Variants in ARMC6 observed in about 807,000 individuals in gnomAD.
ARMC6 encodes the protein armadillo repeat containing 6.
Under a neutral mutation model 49.2 loss-of-function variants are expected in ARMC6, and 43 were observed. The ratio of observed to expected loss-of-function variants is 0.87; its 90% CI spans 0.69 to 1.13. ARMC6 has a LOEUF of 1.13. ARMC6 is among the 50% of genes most tolerant of loss of function. The pLI is 0.00. For synonymous variants in ARMC6, 262 were observed against 289.6 expected (o/e 0.90, Z 0.97); for missense variants, 627 against 682.0 (o/e 0.92, Z 0.90).
chr19:19,044,083 G>A lies in ARMC6; in HGVS notation c.279+9G>A. 1 of 1,613,184 alleles carries A rather than the reference G, an allele frequency of 6.2e-7. No individual in the cohort carries two copies. Among genetic ancestry groups the A allele is most frequent in the Non-Finnish European group, 8.5e-7 (1 of 1,179,202 alleles). ...CACATGACATCCTGCAGGTAGGAGT[G>A]GGCATCCCACACAGCAGGTCCTGCG... On this transcript the variant is annotated intron_variant, in intron 4 of 8. Transcript: ENST00000535612.
At chr19:19,034,561 C>T (rs2059326306) in intron 2 of ARMC6, among the ~76,000 whole-genome samples, 1 of 151,946 alleles carries the variant, frequency 6.6e-6, no homozygotes, top group Non-Finnish European at 1.5e-5. Context: ...TGGATGGAGT[C>T]TTTTAGAGTC....
Position 19,052,150 on chromosome 19 carries a change from G to A in ARMC6, c.808G>A (p.Val270Met). 1 of 1,613,126 alleles carries A rather than the reference G, an allele frequency of 6.2e-7. No homozygotes were observed. Among genetic ancestry groups the A allele is most frequent in the African/African-American group, 1.3e-5 (1 of 75,052 alleles). ...TGCCCACAACCATGCCAAGATGATT[G>A]TGCAGGAGAACAAAGGCTTGAAGGT... Reference protein sequence around the residue: ...GHAHNHAKMIVQENKGLKVLI... With the variant: ...GHAHNHAKMIMQENKGLKVLI... Residue 270 changes from valine (V) to methionine (M), a missense_variant, in exon 5 of 9, where the codon GTG becomes ATG. Transcript: ENST00000535612.
At chr19:19,038,502 G>A (rs2059387123) in intron 2 of ARMC6, among the ~76,000 whole-genome samples, 1 of 152,192 alleles carries the variant, frequency 6.6e-6, no homozygotes, top group African/African-American at 2.4e-5. Flanking sequence ...TACTGCCCAA[G>A]GTTAGTGGGT....
chr19:19,034,188 G>A lies in ARMC6; in HGVS notation c.-22G>A, dbSNP rs2059314368. 1 of 1,587,364 alleles carries A rather than the reference G, an allele frequency of 6.3e-7. No individual in the cohort carries two copies. The highest frequency in any genetic ancestry group is 2.2e-5 in the East Asian group (1 of 44,762). On this transcript the variant is annotated 5_prime_UTR_variant, in exon 2 of 9. Coordinates refer to ENST00000535612, the MANE Select transcript of ARMC6 (RefSeq NM_001199196.2). ...GCCCCGTCCTAGGCAGTGGGGACAA[G>A]GAGGCTACAGGGTACAAATAAATGA...
At chr19:19,043,100 T>C (rs1049831583) in intron 3 of ARMC6, among the ~76,000 whole-genome samples, 1 of 152,230 alleles carries the variant, frequency 6.6e-6, no homozygotes, top group Non-Finnish European at 1.5e-5. Context: ...TGGATCCTTC[T>C]CATGAGTCTC....
intron 5 of ARMC6, 42 bp downstream of exon 5, chr19:19,052,237 C>A (rs144336350): frequency 3.9e-6 from 6 of 1,525,538 alleles, no homozygotes; most frequent in Non-Finnish European, 4.4e-6. Flanking sequence ...ACAAAGTGGG[C>A]GGGTCAGATG....
chr19:19,050,543 C>G (rs2059487692), intron 4 of ARMC6, among the ~76,000 whole-genome samples: 1 of 152,156 alleles, frequency 6.6e-6, no homozygotes, highest in African/African-American at 2.4e-5. Context: ...TGCATTTTTC[C>G]TAATGATTAG....
chr19:19,050,732 C>T (rs1273342598), intron 4 of ARMC6, among the ~76,000 whole-genome samples: 3 of 152,162 alleles, frequency 2.0e-5, no homozygotes, highest in Admixed American at 6.5e-5. Context: ...GTAACATATA[C>T]TTAGGTCCAC....
intron 5 of ARMC6, among the ~76,000 whole-genome samples, chr19:19,053,677 G>T (rs1159112893): frequency 6.6e-6 from 1 of 151,980 alleles, no homozygotes; most frequent in Non-Finnish European, 1.5e-5. Flanking sequence ...CGTGAGTGCC[G>T]GCACCTGCTT....
Position 19,055,657 on chromosome 19 carries a change from A to G in ARMC6, c.1156-134A>G. 1 of 1,323,952 alleles carries G rather than the reference A, an allele frequency of 7.6e-7. No individual in the cohort carries two copies. Among genetic ancestry groups the G allele is most frequent in the African/African-American group, 1.5e-5 (1 of 68,104 alleles). The allele number at this position is 1,323,952 out of a possible 1,614,324, so 82.0% of individuals were successfully genotyped here. On this transcript the variant is annotated intron_variant, in intron 7 of 8. Coordinates refer to ENST00000535612, the MANE Select transcript of ARMC6 (RefSeq NM_001199196.2). The surrounding 1 kb of genome is among the most constrained non-coding windows in gnomAD (Gnocchi z 5.7). Reference sequence around the variant, plus strand: ...GAGCTGATATTTTTGTCACCCTGCCATTATTACACAGGAGTTGCCAGAGAC... The same window carrying G: ...GAGCTGATATTTTTGTCACCCTGCCGTTATTACACAGGAGTTGCCAGAGAC...
intron 2 of ARMC6, among the ~76,000 whole-genome samples, chr19:19,035,929 A>G (rs2059362734): frequency 6.6e-6 from 1 of 152,194 alleles, no homozygotes; most frequent in Non-Finnish European, 1.5e-5. Flanking sequence ...ACAGGTAGAG[A>G]CAAATGATTG....
At chr19:19,053,371 C>T (rs2059514970) in intron 5 of ARMC6, among the ~76,000 whole-genome samples, 1 of 152,076 alleles carries the variant, frequency 6.6e-6, no homozygotes, top group East Asian at 1.9e-4. Flanking sequence ...CCTGTAATCC[C>T]AGTTACTTGA....
At chr19:19,048,641 G>C (rs551392678) in intron 4 of ARMC6, among the ~76,000 whole-genome samples, 8 of 152,174 alleles carry the variant, frequency 5.3e-5, no homozygotes, top group South Asian at 2.1e-4. Context: ...CCTCCAGGTA[G>C]CAGGCTTCAG....
chr19:19,037,744 T>G, intron 2 of ARMC6: 1 of 1,076,894 alleles, frequency 9.3e-7, no homozygotes, highest in South Asian at 1.7e-5. Context: ...TAAAAAGTTG[T>G]TAACCTCTGT....
At position 19,057,532 on chromosome 19, in the gene ARMC6, C is replaced by A; in HGVS notation, c.1410C>A (p.Asp470Glu). Residue 470 changes from aspartate to glutamate, a missense_variant, in exon 9 of 9, where the codon GAC becomes GAA. By Grantham distance (45) the Asp-to-Glu change is conservative (BLOSUM62 2). Transcript: ENST00000535612. ...LIMQARSAHR[D>E]CEDVAKAALR... is the part of the protein sequence containing the mutation. ...TGCAGGCCCGATCTGCCCACCGTGA[C>A]TGTGAGGACGTGGCCAAGGCCGCCC... The A allele has an allele frequency of 6.2e-7, 1 of 1,614,020 alleles. No individual in the cohort carries two copies.
rs763327210 is a variant in ARMC6 at position 19,051,669 on chromosome 19, G to A, written c.327G>A (p.Glu109=). Residue 109 remains glutamate (E), a synonymous_variant, in exon 5 of 9, where the codon GAG becomes GAA. Coordinates refer to ENST00000535612, the MANE Select transcript of ARMC6 (RefSeq NM_001199196.2). ...QESVASSRPQ[E]VSAYLTRFCD... ...CTGTGGCCAGCTCTCGCCCCCAGGA[G>A]GTGTCAGCATACCTCACCCGCTTCT... is the stretch of plus-strand genomic sequence containing the variant. 2 of 1,612,978 alleles carry A rather than the reference G, an allele frequency of 1.2e-6. No homozygotes were observed. The highest frequency in any genetic ancestry group is 1.7e-6 in the Non-Finnish European group (2 of 1,179,566).
intron 4 of ARMC6, among the ~76,000 whole-genome samples, chr19:19,045,490 A>ATTATTTTTTTTTTTTTTTTTT (rs1355279150): frequency 3.5e-5 from 1 of 28,234 alleles, no homozygotes; most frequent in Non-Finnish European, 7.4e-5. Context: ...ATTATGCTAA[A>ATTATTTTTTTTTTTTTTTTTT]TTCTTTTTTT....
At position 19,044,081 on chromosome 19, in the gene ARMC6, G is replaced by C; in HGVS notation, c.279+7G>C. 1 of 1,613,478 alleles carries C rather than the reference G, an allele frequency of 6.2e-7. No homozygotes were observed. The highest frequency in any genetic ancestry group is 8.5e-7 in the Non-Finnish European group (1 of 1,179,420). On this transcript the variant is annotated splice_region_variant and intron_variant, in intron 4 of 8. Coordinates refer to ENST00000535612, the MANE Select transcript of ARMC6 (RefSeq NM_001199196.2). ...CACACATGACATCCTGCAGGTAGGA[G>C]TGGGCATCCCACACAGCAGGTCCTG...
At chr19:19,034,789 A>C (rs10403322) in intron 2 of ARMC6, among the ~76,000 whole-genome samples, 107,929 of 148,818 alleles carry the variant, frequency 0.73, 39,360 homozygotes, top group East Asian at 0.89. Flanking sequence ...AAACGGAGTC[A>C]AAAGGAGTTC....
Sources: gnomAD v4.1 joint callset for allele counts (sites outside exome capture counted in the v4.1 genomes callset) on GRCh38, gnomAD v4.1.1 for gene constraint, Gnocchi (gnomAD v3.1) non-coding constraint, MANE v1.5 for transcripts, NCBI Gene and HGNC (gene_info 2026-07-23, HGNC 2026-07-21) for gene names.